ALCAM: variants seen among roughly 807,000 people sequenced by gnomAD.
ALCAM encodes the protein CD166 antigen.
Under a neutral mutation model 70.9 loss-of-function variants are expected in ALCAM, and 30 were observed. The ratio of observed to expected loss-of-function variants is 0.42; its 90% CI spans 0.32 to 0.57. The LOEUF (loss-of-function observed/expected upper bound fraction) is 0.57, where lower values mean the gene tolerates loss of function less well. ALCAM is among the 20% of genes least tolerant of loss of function. The pLI is 0.11. For synonymous variants in ALCAM, 249 were observed against 242.5 expected (o/e 1.03, Z -0.25); for missense variants, 591 against 695.1 (o/e 0.85, Z 1.68).
intron 1 of ALCAM, among the ~76,000 whole-genome samples, chr3:105,446,679 A>G (rs1272664858): frequency 6.6e-6 from 1 of 151,946 alleles, no homozygotes; most frequent in Non-Finnish European, 1.5e-5. Context: ...GCCCTAAAAA[A>G]GCATGAAATC....
intron 2 of ALCAM, among the ~76,000 whole-genome samples, chr3:105,520,956 T>C (rs1455772274): frequency 6.6e-6 from 1 of 152,208 alleles, no homozygotes; most frequent in East Asian, 1.9e-4. Context: ...CTCCTTGAAA[T>C]GTTAAAAGGT....
At chr3:105,573,533 T>C (rs537524956) in intron 15 of ALCAM, among the ~76,000 whole-genome samples, 2 of 152,346 alleles carry the variant, frequency 1.3e-5, no homozygotes, top group African/African-American at 4.8e-5. Flanking sequence ...TGCACATATG[T>C]AGAGGCATAT....
chr3:105,400,921 G>T (rs893175859), intron 1 of ALCAM, among the ~76,000 whole-genome samples: 3 of 152,124 alleles, frequency 2.0e-5, no homozygotes, highest in African/African-American at 4.8e-5. Context: ...AAAGTTAGTG[G>T]CATAATTAAA....
At chr3:105,512,166 T>C (rs1032367697) in intron 1 of ALCAM, among the ~76,000 whole-genome samples, 2 of 152,008 alleles carry the variant, frequency 1.3e-5, no homozygotes, top group Non-Finnish European at 2.9e-5. Flanking sequence ...AAAGATAGCT[T>C]TGATTTTCTC....
At chr3:105,390,724 G>A (rs1423139664) in intron 1 of ALCAM, among the ~76,000 whole-genome samples, 1 of 151,990 alleles carries the variant, frequency 6.6e-6, no homozygotes, top group African/African-American at 2.4e-5. Context: ...GGTTTTTGTA[G>A]TTTTGTGTTT....
At chr3:105,460,682 C>T (rs1477740778) in intron 1 of ALCAM, among the ~76,000 whole-genome samples, 1 of 151,782 alleles carries the variant, frequency 6.6e-6, no homozygotes, top group Middle Eastern at 3.2e-3. Flanking sequence ...TACCCCTTCT[C>T]CCATCATAAC....
chr3:105,531,564 G>A (rs947630338), intron 3 of ALCAM, among the ~76,000 whole-genome samples: 1 of 151,752 alleles, frequency 6.6e-6, no homozygotes, highest in Non-Finnish European at 1.5e-5. Context: ...GGCCAAATAG[G>A]GCTCAGAAAT....
intron 1 of ALCAM, among the ~76,000 whole-genome samples, chr3:105,383,725 T>G (rs997192371): frequency 6.6e-6 from 1 of 151,716 alleles, no homozygotes; most frequent in Non-Finnish European, 1.5e-5. Context: ...AGTTTCCATA[T>G]TGAACATAGT....
chr3:105,554,691 G>T (rs1163748089), intron 14 of ALCAM, among the ~76,000 whole-genome samples: 1 of 151,986 alleles, frequency 6.6e-6, no homozygotes, highest in African/African-American at 2.4e-5. Flanking sequence ...CCTGTGCTAT[G>T]TAAGTGAAAG....
intron 1 of ALCAM, among the ~76,000 whole-genome samples, chr3:105,478,610 T>G (rs1280201052): frequency 1.3e-5 from 2 of 152,166 alleles, no homozygotes; most frequent in Non-Finnish European, 2.9e-5. Flanking sequence ...ACTGGTTATA[T>G]TTCAGTGCTT....
At position 105,532,070 on chromosome 3, in the gene ALCAM, A is replaced by C. The variant is rs199708955; in HGVS notation, c.459+4A>C. On this transcript the variant is annotated splice_donor_region_variant and intron_variant, in intron 4 of 15. Coordinates refer to ENST00000306107, the MANE Select transcript of ALCAM (RefSeq NM_001627.4). ...CGAAACAGAGCAGCTAAAAAAGGTA[A>C]GAATTGTTTTTGATTAATACCTTTA... The C allele has an allele frequency of 9.1e-5, 147 of 1,612,472 alleles. No homozygotes were observed. The highest frequency in any genetic ancestry group is 5.1e-4 in the Middle Eastern group (3 of 5,928).
intron 1 of ALCAM, among the ~76,000 whole-genome samples, chr3:105,496,605 G>A (rs1938745592): frequency 6.6e-6 from 1 of 152,124 alleles, no homozygotes; most frequent in Non-Finnish European, 1.5e-5. Flanking sequence ...CACCCCAGAA[G>A]TCACTCAGCA....
intron 1 of ALCAM, among the ~76,000 whole-genome samples, chr3:105,388,548 T>G (rs1935717476): frequency 1.3e-5 from 2 of 151,650 alleles, no homozygotes; most frequent in African/African-American, 4.8e-5. Context: ...AATTTGGTGA[T>G]AAATTTAGTA....
At chr3:105,415,590 C>T (rs1936487960) in intron 1 of ALCAM, among the ~76,000 whole-genome samples, 1 of 152,094 alleles carries the variant, frequency 6.6e-6, no homozygotes, top group African/African-American at 2.4e-5. Flanking sequence ...GAGCATGTTG[C>T]ATCAAATTGG....
At chr3:105,422,027 T>C (rs571078178) in intron 1 of ALCAM, among the ~76,000 whole-genome samples, 1 of 151,526 alleles carries the variant, frequency 6.6e-6, no homozygotes, top group South Asian at 2.1e-4. Flanking sequence ...GGGTCCATTA[T>C]ATCACTCTGT....
chr3:105,496,055 A>G (rs1000881781), intron 1 of ALCAM, among the ~76,000 whole-genome samples: 1 of 152,192 alleles, frequency 6.6e-6, no homozygotes, highest in Non-Finnish European at 1.5e-5. Context: ...TTTTTCTGCT[A>G]TCAGAAAACT....
intron 14 of ALCAM, among the ~76,000 whole-genome samples, chr3:105,565,391 T>C (rs971881118): frequency 6.6e-6 from 1 of 152,200 alleles, no homozygotes; most frequent in Non-Finnish European, 1.5e-5. Context: ...ACTGATTTTA[T>C]TTCAGTTGCA....
intron 1 of ALCAM, among the ~76,000 whole-genome samples, chr3:105,368,223 A>AAG (rs5851454): frequency 0.031 from 2,099 of 67,798 alleles, 90 homozygotes; most frequent in African/African-American, 0.075. Context: ...TGAGTCTTGG[A>AAG]AGAGAGAGAG....
intron 1 of ALCAM, among the ~76,000 whole-genome samples, chr3:105,474,406 T>C (rs1938034453): frequency 6.6e-6 from 1 of 151,766 alleles, no homozygotes; most frequent in Non-Finnish European, 1.5e-5. Flanking sequence ...TGAAAAATTT[T>C]ATGAGAATAT....
Sources: gnomAD v4.1 joint callset for allele counts (sites outside exome capture counted in the v4.1 genomes callset) on GRCh38, gnomAD v4.1.1 for gene constraint, MANE v1.5 for transcripts, NCBI Gene and HGNC (gene_info 2026-07-23, HGNC 2026-07-21) for gene names.